The following CYS1 variants were observed in gnomAD, a reference collection of about 807,000 sequenced individuals.
CYS1 encodes the protein cystin 1, also known as cystin-1.
CYS1 carries 5 observed loss-of-function variants against 9.6 expected under a neutral mutation model. That is an observed-to-expected ratio of 0.52 (90% CI 0.27 to 1.10). CYS1 has a LOEUF of 1.10. CYS1 is among the 50% of genes least tolerant of loss of function. The pLI is 0.11. For missense variants in CYS1, 221 were observed against 207.9 expected, an observed-to-expected ratio of 1.06 and a Z score of -0.39; for synonymous variants, 88 against 95.7, an observed-to-expected ratio of 0.92 and a Z score of 0.47.
chr2:10,062,341 T>C (rs1390300598), intron 2 of CYS1, among the ~76,000 whole-genome samples: 1 of 152,170 alleles, frequency 6.6e-6, no homozygotes, highest in African/African-American at 2.4e-5. Context: ...GAAACCCACA[T>C]GTTAAATGAG....
intron 2 of CYS1, among the ~76,000 whole-genome samples, chr2:10,065,321 C>A (rs1379682548): frequency 6.6e-6 from 1 of 152,252 alleles, no homozygotes; most frequent in East Asian, 1.9e-4. Flanking sequence ...CTCCCAGTGA[C>A]CCCTTGCCAC....
intron 1 of CYS1, among the ~76,000 whole-genome samples, chr2:10,079,234 C>T (rs890989776): frequency 1.3e-5 from 2 of 152,104 alleles, no homozygotes; most frequent in Admixed American, 6.5e-5. Context: ...TCTTCCTCGG[C>T]TCCCAGCGGC....
intron 2 of CYS1, among the ~76,000 whole-genome samples, chr2:10,064,337 G>A (rs1318089639): frequency 2.0e-5 from 3 of 152,210 alleles, no homozygotes; most frequent in South Asian, 2.1e-4. Flanking sequence ...GAATGTGCAC[G>A]TGTAGAAGTC....
chr2:10,058,557 G>A lies in CYS1; in HGVS notation c.*296C>T, dbSNP rs1661581866. The A allele has an allele frequency of 6.2e-6, 2 of 323,526 alleles. No homozygotes were observed. Among genetic ancestry groups the A allele is most frequent in the African/African-American group, 2.1e-5 (1 of 47,970 alleles). 20.0% of individuals were successfully genotyped at this position (323,526 alleles called of 1,614,324 possible). On this transcript the variant is annotated 3_prime_UTR_variant, in exon 3 of 3. Coordinates refer to ENST00000381813, the MANE Select transcript of CYS1 (RefSeq NM_001037160.3). The stretch of plus-strand genomic sequence containing the variant: ...GAGAGCGGGCAACCAAGAGGGGCAC[G>A]CATTTCAGGCTCCAGAAGAACTGGG...
At chr2:10,065,840 G>T in intron 2 of CYS1, 64 bp downstream of exon 2, 1 of 1,540,900 alleles carries the variant, frequency 6.5e-7, no homozygotes, top group Non-Finnish European at 9.0e-7. Context: ...GGGCTCTGAG[G>T]CTGGCTGGAG....
chr2:10,071,141 A>AT (rs930796777), intron 1 of CYS1, among the ~76,000 whole-genome samples: 10 of 152,156 alleles, frequency 6.6e-5, no homozygotes, highest in Non-Finnish European at 1.0e-4. Flanking sequence ...AATTTTTTGT[A>AT]TTTTTAGTAG....
Position 10,079,915 on chromosome 2 carries a change from C to A in CYS1, c.309G>T (p.Ala103=). The A allele has an allele frequency of 3.6e-6, 4 of 1,116,116 alleles. No individual in the cohort carries two copies. The highest frequency in any genetic ancestry group is 4.9e-5 in the East Asian group (1 of 20,536). 69.1% of individuals were successfully genotyped at this position (1,116,116 alleles called of 1,614,324 possible). Residue 103 remains alanine, a synonymous_variant, in exon 1 of 3, where the codon GCG becomes GCT. Coordinates refer to ENST00000381813, the MANE Select transcript of CYS1 (RefSeq NM_001037160.3). ...CGGCTCCCACACTCACCGCGCTCCC[C>A]GCGACCGCGGTGGGTCGGAGCCGGG... The part of the protein sequence containing the change: ...RPARLRPTAV[A]GSAVCAEQST...
rs1420680344 is a variant in CYS1 at position 10,065,885 on chromosome 2, G to C, written c.371+19C>G. The C allele has an allele frequency of 6.2e-7, 1 of 1,613,926 alleles. No individual in the cohort carries two copies. Among genetic ancestry groups the C allele is most frequent in the Non-Finnish European group, 8.5e-7 (1 of 1,179,846 alleles). On this transcript the variant is annotated intron_variant, in intron 2 of 2. Transcript: ENST00000381813. ...AGAACCCGTGGCTTCTGGGAGAGATGTGCCTCCCTGGTACTTACTCAGAGA... is the reference window on the plus strand; with the variant it reads ...AGAACCCGTGGCTTCTGGGAGAGATCTGCCTCCCTGGTACTTACTCAGAGA...
chr2:10,077,913 C>T (rs926465443), intron 1 of CYS1, among the ~76,000 whole-genome samples: 5 of 152,074 alleles, frequency 3.3e-5, no homozygotes, highest in African/African-American at 1.2e-4. Context: ...AGTTTGAAAC[C>T]AGCCTGGCCA....
rs568379123 is a variant in CYS1, at chr2:10,060,319, G to A, written c.372-1361C>T. ...GGTTCCCCCTCTGCGAGCTTGGGGG[G>A]CTGGGCTGGATGGACTTAAATGTCC... On this transcript the variant is annotated intron_variant, in intron 2 of 2. Transcript: ENST00000381813. 1.9e-3 allele frequency among the ~76,000 whole-genome samples: 283 copies of A among 152,360 alleles called. 3 individuals carry two copies. The highest frequency in any genetic ancestry group is 6.7e-3 in the African/African-American group (277 of 41,574).
chr2:10,062,169 G>T (rs1661636848), intron 2 of CYS1, among the ~76,000 whole-genome samples: 1 of 151,952 alleles, frequency 6.6e-6, no homozygotes, highest in Non-Finnish European at 1.5e-5. Context: ...CACCACGCCT[G>T]GCTAATTTTG....
At chr2:10,069,629 G>A (rs5015169) in intron 1 of CYS1, among the ~76,000 whole-genome samples, 63,554 of 151,900 alleles carry the variant, frequency 0.42, 13,586 homozygotes, top group East Asian at 0.61. Context: ...AGCCTCCCAA[G>A]ATGCTGGGAT....
intron 1 of CYS1, among the ~76,000 whole-genome samples, chr2:10,073,222 C>T (rs1018303190): frequency 2.4e-5 from 3 of 122,588 alleles, no homozygotes; most frequent in South Asian, 2.8e-4. Context: ...CCCCCCCCCC[C>T]CCCGGCTGTG....
At chr2:10,066,555 C>T (rs1162073554) in intron 1 of CYS1, among the ~76,000 whole-genome samples, 1 of 152,278 alleles carries the variant, frequency 6.6e-6, no homozygotes, top group Non-Finnish European at 1.5e-5. Context: ...CGACAGTCCA[C>T]TTGTCTACCC....
chr2:10,070,912 C>T (rs1050635911), intron 1 of CYS1, among the ~76,000 whole-genome samples: 9 of 152,158 alleles, frequency 5.9e-5, no homozygotes, highest in Admixed American at 5.9e-4. Context: ...CTAAAAAGTG[C>T]TGGGATTACA....
At chr2:10,062,962 C>A (rs928550496) in intron 2 of CYS1, among the ~76,000 whole-genome samples, 10 of 152,342 alleles carry the variant, frequency 6.6e-5, no homozygotes, top group African/African-American at 2.4e-4. Context: ...TTCCACTAGC[C>A]CTTCCTTACA....
chr2:10,059,301 G>GT (rs1211504856), intron 2 of CYS1, among the ~76,000 whole-genome samples: 3 of 152,238 alleles, frequency 2.0e-5, no homozygotes, highest in Non-Finnish European at 4.4e-5. Context: ...GAGCCTCGGT[G>GT]TTTTTTCTCA....
At position 10,076,906 on chromosome 2, in the gene CYS1, T is replaced by C. The variant is rs4574084; in HGVS notation, c.318+3000A>G. ...ACCTCTCCCCTGAATGCCAAACTCTTACAAAGATCTACTCACTTGACATTT... is the reference window on the plus strand; with the variant it reads ...ACCTCTCCCCTGAATGCCAAACTCTCACAAAGATCTACTCACTTGACATTT... On this transcript the variant is annotated intron_variant, in intron 1 of 2. Transcript: ENST00000381813. The surrounding 1 kb of genome is among the most constrained non-coding windows in gnomAD (Gnocchi z 4.3). Among the ~76,000 whole-genome samples the C allele has an allele frequency of 0.31, 46,884 of 151,898 alleles. 7,590 individuals are homozygous for C. Among genetic ancestry groups the C allele is most frequent in the Middle Eastern group, 0.45 (132 of 294 alleles).
rs13022241 is a variant in CYS1 at position 10,063,939 on chromosome 2, A to G, written c.371+1965T>C. ...CTCCCATTAAAGTATACTGAATGAA[A>G]AGGCTGGGTGCAGTGGCTCACGCCC... On this transcript the variant is annotated intron_variant, in intron 2 of 2. Coordinates refer to ENST00000381813, the MANE Select transcript of CYS1 (RefSeq NM_001037160.3). The surrounding 1 kb of genome is among the most constrained non-coding windows in gnomAD (Gnocchi z 4.2). Among the ~76,000 whole-genome samples the G allele has an allele frequency of 0.083, 12,674 of 152,210 alleles. 773 individuals are homozygous for G. The highest frequency in any genetic ancestry group is 0.14 in the Middle Eastern group (40 of 294).
Sources: allele counts gnomAD v4.1 joint callset (sites outside exome capture counted in the v4.1 genomes callset), GRCh38; gene constraint gnomAD v4.1.1; non-coding constraint Gnocchi (gnomAD v3.1); transcripts MANE v1.5; gene names NCBI Gene and HGNC (gene_info 2026-07-23, HGNC 2026-07-21).